Variants in ZNF665 observed in about 807,000 individuals in gnomAD.
ZNF665 encodes the protein zinc finger protein 665.
ZNF665 carries 6 observed loss-of-function variants against 7.9 expected under a neutral mutation model. The ratio of observed to expected loss-of-function variants is 0.76; its 90% CI spans 0.42 to 1.50. The LOEUF (loss-of-function observed/expected upper bound fraction) is 1.50, where lower values mean the gene tolerates loss of function less well. ZNF665 is among the 40% of genes most tolerant of loss of function. ZNF665 has a pLI of 0.01. For synonymous variants in ZNF665, 242 were observed against 274.5 expected, an observed-to-expected ratio of 0.88 and a Z score of 1.17; for missense variants, 819 against 806.7, an observed-to-expected ratio of 1.02 and a Z score of -0.18.
chr19:53,190,844 G>A (rs1280586324), intron 1 of ZNF665, among the ~76,000 whole-genome samples: 2 of 152,232 alleles, frequency 1.3e-5, no homozygotes, highest in Admixed American at 1.3e-4. Flanking sequence ...TGAGGCAGGA[G>A]AATTGCTTGA....
intron 3 of ZNF665, among the ~76,000 whole-genome samples, chr19:53,171,877 C>T (rs1354547482): frequency 2.0e-5 from 3 of 152,086 alleles, no homozygotes; most frequent in African/African-American, 7.2e-5. Context: ...GCCTCTGCCT[C>T]CCACCTAGCT....
chr19:53,168,263 G>T (rs1303091426), intron 3 of ZNF665, among the ~76,000 whole-genome samples: 1 of 151,934 alleles, frequency 6.6e-6, no homozygotes, highest in African/African-American at 2.4e-5. Flanking sequence ...CAAGGTTGAA[G>T]AATACATTAT....
chr19:53,169,938 G>A (rs973925547), intron 3 of ZNF665, among the ~76,000 whole-genome samples: 3 of 144,304 alleles, frequency 2.1e-5, no homozygotes, highest in African/African-American at 7.8e-5. Context: ...TATCATTGTT[G>A]GACATTTGGG....
At chr19:53,192,641 C>T (rs2090825810) in intron 1 of ZNF665, among the ~76,000 whole-genome samples, 1 of 152,214 alleles carries the variant, frequency 6.6e-6, no homozygotes, top group East Asian at 1.9e-4. Context: ...CTCAGCCCCC[C>T]TCTCTGTCTC....
intron 3 of ZNF665, among the ~76,000 whole-genome samples, chr19:53,172,165 G>C (rs2090663252): frequency 6.6e-6 from 1 of 151,976 alleles, no homozygotes; most frequent in Non-Finnish European, 1.5e-5. Context: ...CAATTTGTCT[G>C]CTTTTTCAAA....
Position 53,175,482 on chromosome 19 carries a change from G to A in ZNF665, c.105C>T (p.Asp35=), listed in dbSNP as rs143559625. The stretch of plus-strand genomic sequence containing the variant: ...GGTTCCTATAATTCTCCAACATGAC[G>A]TCCCTGTACAAAGTCTTCTGAGCAG... ...LDPAQKTLYR[D]VMLENYRNLV... is the part of the protein sequence containing the mutation. Residue 35 remains aspartate (D), a synonymous_variant, in exon 3 of 4, where the codon GAC becomes GAT. Transcript: ENST00000396424. The A allele has an allele frequency of 1.1e-3, 1,769 of 1,612,566 alleles. 14 individuals carry two copies. The highest frequency in any genetic ancestry group is 6.5e-3 in the South Asian group (590 of 90,888).
At chr19:53,171,504 G>GTATATATATA (rs1555804176) in intron 3 of ZNF665, among the ~76,000 whole-genome samples, 1,224 of 57,576 alleles carry the variant, frequency 0.021, 59 homozygotes, top group South Asian at 0.051. Context: ...GTGTGTGTGT[G>GTATATATATA]TATATATATA....
Position 53,164,780 on chromosome 19 carries a change from A to G in ZNF665, c.1710T>C (p.Tyr570=), listed in dbSNP as rs754001890. The change falls in exon 4 of 4, where the codon TAT becomes TAC. Residue 570 remains tyrosine, a synonymous_variant. Transcript: ENST00000396424. ...HQRIHTGEKP[Y]KCNECGKAFS... Reference sequence around the variant, plus strand: ...ATGCTTTGCCGCACTCATTACACTTATAAGGTTTCTCACCAGTGTGAATTC... The same window carrying G: ...ATGCTTTGCCGCACTCATTACACTTGTAAGGTTTCTCACCAGTGTGAATTC... The G allele has an allele frequency of 1.2e-6, 2 of 1,613,854 alleles. No individual in the cohort carries two copies. Among genetic ancestry groups the G allele is most frequent in the Non-Finnish European group, 8.5e-7 (1 of 1,179,970 alleles).
At chr19:53,182,627 C>A (rs1474725837) in intron 2 of ZNF665, 4 of 801,846 alleles carry the variant, frequency 5.0e-6, no homozygotes, top group Non-Finnish European at 8.4e-6. Flanking sequence ...ACCACGGGAC[C>A]CTCACCCCGT....
chr19:53,171,428 T>C (rs2090655841), intron 3 of ZNF665, among the ~76,000 whole-genome samples: 1 of 150,498 alleles, frequency 6.6e-6, no homozygotes, highest in African/African-American at 2.4e-5. Flanking sequence ...TGAAATTGTA[T>C]GGCAGTACAC....
intron 3 of ZNF665, among the ~76,000 whole-genome samples, chr19:53,173,203 T>G (rs2090671276): frequency 6.6e-6 from 1 of 152,172 alleles, no homozygotes. Flanking sequence ...ACATTTTGAA[T>G]CAATTTTGGT....
rs747718788 is a variant in ZNF665, at chr19:53,164,825, C to T, written c.1665G>A (p.Ser555=). 2.9e-5 allele frequency: 46 copies of T among 1,613,856 alleles called. No homozygotes were observed. Among genetic ancestry groups the T allele is most frequent in the Middle Eastern group, 3.3e-4 (2 of 6,060 alleles). ...GAATTCTCTGATGAATTGCAAGGTA[C>T]GAATTGTGTCTGAAGACCTTGCCGC... is the stretch of plus-strand genomic sequence containing the variant. ...NDCGKVFRHN[S]YLAIHQRIHT... is the part of the protein sequence containing the mutation. The change falls in exon 4 of 4, where the codon TCG becomes TCA. Residue 555 remains serine, a synonymous_variant. Coordinates refer to ENST00000396424, the MANE Select transcript of ZNF665 (RefSeq NM_024733.5).
chr19:53,189,102 C>G (rs1312012258), intron 1 of ZNF665, among the ~76,000 whole-genome samples: 1 of 137,370 alleles, frequency 7.3e-6, no homozygotes, highest in African/African-American at 3.0e-5. Flanking sequence ...GACAAGACCA[C>G]TAATCTGGAT....
In ZNF665 at chr19:53,172,680, T is replaced by C. The variant is rs541071750; in HGVS notation, c.142+2765A>G. 2.3e-4 allele frequency among the ~76,000 whole-genome samples: 35 copies of C among 151,902 alleles called. 1 individual carries two copies. The East Asian group carries it at 5.0e-3, about 22-fold the overall frequency. ...TCTCTACCAAAAACGCAAAAATTAG[T>C]CAGGCGTGGTGGTGCACGCCTGTAG... is the stretch of plus-strand genomic sequence containing the variant. On this transcript the variant is annotated intron_variant, in intron 3 of 3. Coordinates refer to ENST00000396424, the MANE Select transcript of ZNF665 (RefSeq NM_024733.5).
intron 3 of ZNF665, among the ~76,000 whole-genome samples, chr19:53,172,353 T>G (rs2090664422): frequency 1.3e-5 from 2 of 152,190 alleles, no homozygotes; most frequent in South Asian, 4.1e-4. Context: ...CACATAATTT[T>G]TCATAATGCC....
rs183660157 is a variant in ZNF665, at chr19:53,172,548, T to C, written c.142+2897A>G. Among the ~76,000 whole-genome samples the C allele has an allele frequency of 1.3e-4, 20 of 152,004 alleles. 1 individual carries two copies. The highest frequency in any genetic ancestry group is 1.2e-3 in the Admixed American group (19 of 15,254). ...TTTGTCTGCCTTCCTTCAAGAACTG[T>C]ATATTGAGGCTCATACCTGTAATCT... is the stretch of plus-strand genomic sequence containing the variant. On this transcript the variant is annotated intron_variant, in intron 3 of 3. Transcript: ENST00000396424.
chr19:53,175,844 G>C (rs1337292841), intron 2 of ZNF665, among the ~76,000 whole-genome samples: 2 of 152,160 alleles, frequency 1.3e-5, no homozygotes, highest in African/African-American at 4.8e-5. Context: ...GTGTGGGCTG[G>C]ACACTGGAAA....
chr19:53,191,247 GTGA>G (rs1285262428), intron 1 of ZNF665, among the ~76,000 whole-genome samples: 1 of 152,178 alleles, frequency 6.6e-6, no homozygotes, highest in African/African-American at 2.4e-5. Context: ...ACACGTTTTG[GTGA>G]TGAGAGGCGA....
At position 53,165,365 on chromosome 19, in the gene ZNF665, C is replaced by T; in HGVS notation, c.1125G>A (p.Lys375=). The T allele has an allele frequency of 2.5e-6, 4 of 1,614,174 alleles. No individual in the cohort carries two copies. In the South Asian group the frequency reaches 3.3e-5, roughly 13 times the overall value. ...RRIHTGEKPY[K]CNECGKAFSM... is the part of the protein sequence containing the mutation. Reference sequence around the variant, plus strand: ...TGAAGGCTTTCCCACACTCATTACACTTGTAAGGTTTCTCACCAGTATGAA... The same window carrying T: ...TGAAGGCTTTCCCACACTCATTACATTTGTAAGGTTTCTCACCAGTATGAA... Residue 375 remains lysine (K), a synonymous_variant, in exon 4 of 4, where the codon AAG becomes AAA. Transcript: ENST00000396424.
Sources: allele counts gnomAD v4.1 joint callset (sites outside exome capture counted in the v4.1 genomes callset), GRCh38; gene constraint gnomAD v4.1.1; transcripts MANE v1.5; gene names NCBI Gene and HGNC (gene_info 2026-07-23, HGNC 2026-07-21).